DPP10: variants seen among roughly 807,000 people sequenced by gnomAD.
DPP10 encodes inactive dipeptidyl peptidase 10.
DPP10 carries 33 observed loss-of-function variants against 120.9 expected under a neutral mutation model. That is an observed-to-expected ratio of 0.27 (90% CI 0.21 to 0.37). The LOEUF (loss-of-function observed/expected upper bound fraction) is 0.37, where lower values mean the gene tolerates loss of function less well. Among genes scored for constraint, DPP10 ranks in the 10% least tolerant of loss-of-function variants. The pLI, the probability that DPP10 is intolerant of heterozygous loss-of-function variation, is 1.00. For synonymous variants in DPP10, 337 were observed against 326.1 expected (o/e 1.03, Z -0.36); for missense variants, 816 against 942.8 (o/e 0.87, Z 1.76).
At chr2:115,003,477 C>T (rs1013835926) in intron 1 of DPP10, among the ~76,000 whole-genome samples, 1 of 151,600 alleles carries the variant, frequency 6.6e-6, no homozygotes, top group Non-Finnish European at 1.5e-5. Context: ...TGCAGTTTAC[C>T]TATAGAACAA....
At position 114,971,244 on chromosome 2, in the gene DPP10, T is replaced by C. The variant is rs186326087; in HGVS notation, c.61-337995T>C. Among the ~76,000 whole-genome samples the C allele has an allele frequency of 4.3e-3, 662 of 152,334 alleles. 6 individuals carry two copies. Among genetic ancestry groups the C allele is most frequent in the African/African-American group, 0.015 (633 of 41,578 alleles). On this transcript the variant is annotated intron_variant, in intron 1 of 25. Coordinates refer to ENST00000410059, the MANE Select transcript of DPP10 (RefSeq NM_020868.6). ...GGTCACATTTGGATACTATGATTTA[T>C]GGCTTGCTAGTCACTTTCACAAAGT...
At chr2:115,823,195 A>G (rs878983111) in intron 21 of DPP10, among the ~76,000 whole-genome samples, 3 of 151,908 alleles carry the variant, frequency 2.0e-5, no homozygotes, top group Admixed American at 6.6e-5. Flanking sequence ...AATTTTATCT[A>G]TGGGGATTCT....
At chr2:115,274,914 T>C (rs1333143746) in intron 1 of DPP10, among the ~76,000 whole-genome samples, 1 of 152,230 alleles carries the variant, frequency 6.6e-6, no homozygotes, top group East Asian at 1.9e-4. Flanking sequence ...AACATTCTTC[T>C]GTAAGATCAC....
chr2:114,783,582 A>T (rs1028015138), intron 1 of DPP10, among the ~76,000 whole-genome samples: 33 of 152,136 alleles, frequency 2.2e-4, no homozygotes, highest in African/African-American at 7.7e-4. Flanking sequence ...CACATCTGTA[A>T]TTCCAGCACT....
intron 3 of DPP10, among the ~76,000 whole-genome samples, chr2:115,450,044 C>T (rs1214572332): frequency 6.6e-6 from 1 of 151,966 alleles, no homozygotes; most frequent in Non-Finnish European, 1.5e-5. Flanking sequence ...TCCTTTTGTA[C>T]TCTTTAATAC....
At chr2:114,722,677 G>A (rs1366780201) in intron 1 of DPP10, among the ~76,000 whole-genome samples, 7 of 148,286 alleles carry the variant, frequency 4.7e-5, no homozygotes, top group Non-Finnish European at 8.9e-5. Flanking sequence ...TCAGGAGGCT[G>A]AGGCAGGAGA....
At chr2:115,499,805 C>T (rs1439980781) in intron 4 of DPP10, among the ~76,000 whole-genome samples, 3 of 151,898 alleles carry the variant, frequency 2.0e-5, no homozygotes, top group Non-Finnish European at 2.9e-5. Context: ...TTCCCGTTTA[C>T]TCTTGTTAAT....
At chr2:115,829,750 T>C (rs1688732455) in intron 21 of DPP10, among the ~76,000 whole-genome samples, 1 of 152,086 alleles carries the variant, frequency 6.6e-6, no homozygotes, top group Non-Finnish European at 1.5e-5. Context: ...CTATTGCTTA[T>C]TATTTGTGTG....
intron 1 of DPP10, among the ~76,000 whole-genome samples, chr2:115,142,195 C>T (rs1265822326): frequency 4.6e-5 from 7 of 152,142 alleles, no homozygotes; most frequent in Admixed American, 3.9e-4. Context: ...AGGCTGCACT[C>T]CTCTTGCCTG....
intron 1 of DPP10, among the ~76,000 whole-genome samples, chr2:115,019,796 A>G (rs1702936277): frequency 6.6e-6 from 1 of 152,240 alleles, no homozygotes; most frequent in Admixed American, 6.5e-5. Context: ...AGGAAAACCT[A>G]TCAGATTAAC....
intron 1 of DPP10, among the ~76,000 whole-genome samples, chr2:114,816,175 C>T (rs942320840): frequency 1.3e-5 from 2 of 152,154 alleles, no homozygotes; most frequent in Admixed American, 6.5e-5. Context: ...TAAACATGTT[C>T]CTCCCTTTGT....
At chr2:115,808,199 T>C (rs1010259335) in intron 19 of DPP10, among the ~76,000 whole-genome samples, 6 of 152,230 alleles carry the variant, frequency 3.9e-5, no homozygotes, top group Non-Finnish European at 8.8e-5. Context: ...CGTGTAACTA[T>C]AATTCAAGCC....
chr2:114,992,400 G>A (rs1410156667), intron 1 of DPP10, among the ~76,000 whole-genome samples: 1 of 152,180 alleles, frequency 6.6e-6, no homozygotes, highest in East Asian at 1.9e-4. Flanking sequence ...ATGATTGTCA[G>A]CCTCCAACAG....
chr2:115,659,813 C>T (rs2088755974), intron 5 of DPP10, among the ~76,000 whole-genome samples: 1 of 152,012 alleles, frequency 6.6e-6, no homozygotes, highest in South Asian at 2.1e-4. Flanking sequence ...TTCTATAAGC[C>T]CCAGGCAAGT....
intron 1 of DPP10, among the ~76,000 whole-genome samples, chr2:115,044,141 A>G (rs1322477816): frequency 6.6e-6 from 1 of 152,172 alleles, no homozygotes; most frequent in East Asian, 1.9e-4. Context: ...ACTGCTATAA[A>G]CAAATACCTG....
At chr2:114,652,469 A>G (rs1193116567) in intron 1 of DPP10, among the ~76,000 whole-genome samples, 1 of 152,196 alleles carries the variant, frequency 6.6e-6, no homozygotes, top group Non-Finnish European at 1.5e-5. Context: ...AGTAGCTGGC[A>G]TTAAATTAGT....
intron 1 of DPP10, among the ~76,000 whole-genome samples, chr2:114,663,592 C>T (rs939470399): frequency 2.8e-5 from 4 of 142,566 alleles, no homozygotes; most frequent in Admixed American, 2.1e-4. Context: ...ACATCATATA[C>T]GTGTATGTAC....
chr2:115,577,202 A>G (rs982552708), intron 5 of DPP10, among the ~76,000 whole-genome samples: 1 of 152,194 alleles, frequency 6.6e-6, no homozygotes, highest in Non-Finnish European at 1.5e-5. Flanking sequence ...GCCTAAGGAT[A>G]GTCAGTCTAG....
chr2:115,220,593 G>T (rs960159631), intron 1 of DPP10, among the ~76,000 whole-genome samples: 1 of 152,040 alleles, frequency 6.6e-6, no homozygotes, highest in Non-Finnish European at 1.5e-5. Context: ...AGAAAAAATT[G>T]TACCACAAAG....
Sources: allele counts gnomAD v4.1 joint callset (sites outside exome capture counted in the v4.1 genomes callset), GRCh38; gene constraint gnomAD v4.1.1; transcripts MANE v1.5; gene names NCBI Gene and HGNC (gene_info 2026-07-23, HGNC 2026-07-21).